The following LEPR variants were observed in gnomAD, a reference collection of about 807,000 sequenced individuals.
The protein encoded by LEPR is OB receptor.
Under a neutral mutation model 114.7 loss-of-function variants are expected in LEPR, and 56 were observed. That is an observed-to-expected ratio of 0.49 (90% CI 0.39 to 0.61). The LOEUF (loss-of-function observed/expected upper bound fraction) is 0.61. Among genes scored for constraint, LEPR ranks in the 20% least tolerant of loss-of-function variants. LEPR has a pLI of 0.00. For missense variants in LEPR, 1,202 were observed against 1,352.9 expected, an observed-to-expected ratio of 0.89 and a Z score of 1.75; for synonymous variants, 443 against 461.4, an observed-to-expected ratio of 0.96 and a Z score of 0.51.
chr1:65,458,857 A>T (rs1646910244), intron 2 of LEPR, among the ~76,000 whole-genome samples: 1 of 151,882 alleles, frequency 6.6e-6, no homozygotes, highest in Non-Finnish European at 1.5e-5. Context: ...CAGTTCTTGG[A>T]TATTTGCACC....
chr1:65,621,167 C>T lies in LEPR; in HGVS notation c.2492-186C>T, dbSNP rs1022570332. On this transcript the variant is annotated intron_variant, in intron 17 of 19. Transcript: ENST00000349533. Reference sequence around the variant, plus strand: ...AATTTACAGTAGATATGATGCTGAACAAAATAATAAGTATTTTATTAATGT... The same window carrying T: ...AATTTACAGTAGATATGATGCTGAATAAAATAATAAGTATTTTATTAATGT... 1.1e-4 allele frequency among the ~76,000 whole-genome samples: 17 copies of T among 152,070 alleles called. No individual in the cohort carries two copies. In the East Asian group the frequency reaches 3.3e-3, roughly 29 times the overall value.
chr1:65,548,294 G>A (rs549981194), intron 2 of LEPR, among the ~76,000 whole-genome samples: 5 of 152,204 alleles, frequency 3.3e-5, no homozygotes, highest in African/African-American at 1.2e-4. Flanking sequence ...GTTGATTTGG[G>A]GTGGAGAGTT....
chr1:65,581,300 T>G (rs755716183), intron 5 of LEPR, among the ~76,000 whole-genome samples: 1 of 152,142 alleles, frequency 6.6e-6, no homozygotes, highest in African/African-American at 2.4e-5. Context: ...ACTTCAGGAA[T>G]AATTCTCCAT....
chr1:65,455,721 A>G (rs369227771), intron 2 of LEPR, among the ~76,000 whole-genome samples: 1 of 152,174 alleles, frequency 6.6e-6, no homozygotes, highest in African/African-American at 2.4e-5. Context: ...TGCAGAGGTT[A>G]CTGCTGTCTT....
chr1:65,634,290 T>C, intron 19 of LEPR: 1 of 983,084 alleles, frequency 1.0e-6, no homozygotes, highest in Non-Finnish European at 1.2e-6. Flanking sequence ...AAAAGAACTC[T>C]ACAAAAACGG....
At chr1:65,569,075 C>G (rs1475202711) in intron 3 of LEPR, among the ~76,000 whole-genome samples, 4 of 151,774 alleles carry the variant, frequency 2.6e-5, no homozygotes, top group Non-Finnish European at 5.9e-5. Flanking sequence ...GATATTAGTC[C>G]TTTGTTGGAT....
intron 15 of LEPR, among the ~76,000 whole-genome samples, chr1:65,616,707 T>C (rs1657547625): frequency 6.6e-6 from 1 of 152,172 alleles, no homozygotes; most frequent in South Asian, 2.1e-4. Context: ...ATGGACTTCA[T>C]TGAATGTGAG....
At chr1:65,626,768 T>C (rs1194873947) in intron 19 of LEPR, among the ~76,000 whole-genome samples, 1 of 151,952 alleles carries the variant, frequency 6.6e-6, no homozygotes, top group Non-Finnish European at 1.5e-5. Context: ...CTCATCCCCT[T>C]TAGTAGCTGG....
chr1:65,603,801 A>G (rs1656622402), intron 10 of LEPR, among the ~76,000 whole-genome samples: 1 of 151,452 alleles, frequency 6.6e-6, no homozygotes, highest in Non-Finnish European at 1.5e-5. Flanking sequence ...AAAAGATTGG[A>G]CACCCCTGCT....
At chr1:65,503,347 G>A (rs984711697) in intron 2 of LEPR, among the ~76,000 whole-genome samples, 5 of 152,102 alleles carry the variant, frequency 3.3e-5, no homozygotes, top group Non-Finnish European at 5.9e-5. Flanking sequence ...TCACAGGGTG[G>A]AATATAGAAC....
chr1:65,506,267 C>A (rs1648723719), intron 2 of LEPR, among the ~76,000 whole-genome samples: 1 of 152,174 alleles, frequency 6.6e-6, no homozygotes, highest in African/African-American at 2.4e-5. Flanking sequence ...TATTGTCCCA[C>A]TCCTGGTAAA....
At chr1:65,480,123 G>A (rs1223130492) in intron 2 of LEPR, among the ~76,000 whole-genome samples, 1 of 152,000 alleles carries the variant, frequency 6.6e-6, no homozygotes, top group Non-Finnish European at 1.5e-5. Context: ...ACAATGAGCA[G>A]GACCAACAGA....
intron 2 of LEPR, among the ~76,000 whole-genome samples, chr1:65,509,399 G>C (rs1352995137): frequency 1.3e-5 from 2 of 152,136 alleles, no homozygotes; most frequent in African/African-American, 4.8e-5. Flanking sequence ...ATCATGAAAG[G>C]ATGTTTAATT....
chr1:65,434,536 C>T, intron 2 of LEPR: 1 of 985,068 alleles, frequency 1.0e-6, no homozygotes, highest in Non-Finnish European at 1.2e-6. Flanking sequence ...GCCAAGCCTC[C>T]CTCAACAGGT....
intron 10 of LEPR, among the ~76,000 whole-genome samples, chr1:65,604,329 TTTTAATTTAA>T (rs1303764035): frequency 6.6e-6 from 1 of 152,098 alleles, no homozygotes; most frequent in African/African-American, 2.4e-5. Context: ...ATTTTATTTA[TTTTAATTTAA>T]TTTAATTTAA....
At chr1:65,569,840 A>G (rs1466507869) in intron 3 of LEPR, among the ~76,000 whole-genome samples, 3 of 152,120 alleles carry the variant, frequency 2.0e-5, no homozygotes, top group East Asian at 1.9e-4. Context: ...CATTTCCCAT[A>G]AGAAGTCTAT....
At chr1:65,421,230 A>G (rs1045854296) in intron 1 of LEPR, 10 of 1,318,130 alleles carry the variant, frequency 7.6e-6, no homozygotes, top group Non-Finnish European at 9.0e-6. Flanking sequence ...GTGTCAATGG[A>G]AAGCACCCAG....
chr1:65,514,921 T>A (rs1013072326), intron 2 of LEPR, among the ~76,000 whole-genome samples: 1 of 152,254 alleles, frequency 6.6e-6, no homozygotes, highest in Non-Finnish European at 1.5e-5. Flanking sequence ...CTCAGGGCAT[T>A]TATATAGGGA....
chr1:65,546,489 A>G (rs1019512157), intron 2 of LEPR, among the ~76,000 whole-genome samples: 5 of 152,108 alleles, frequency 3.3e-5, no homozygotes, highest in African/African-American at 1.2e-4. Flanking sequence ...TTCCTTGAGC[A>G]GTGGTTTGTA....
Sources: gnomAD v4.1 joint callset for allele counts (sites outside exome capture counted in the v4.1 genomes callset) on GRCh38, gnomAD v4.1.1 for gene constraint, MANE v1.5 for transcripts, NCBI Gene and HGNC (gene_info 2026-07-23, HGNC 2026-07-21) for gene names.